NALCN: variants seen among roughly 807,000 people sequenced by gnomAD.
NALCN encodes the protein sodium leak channel NALCN.
Under a neutral mutation model 225.3 loss-of-function variants are expected in NALCN, and 111 were observed. The observed-to-expected ratio is 0.49, with a 90% CI of 0.42 to 0.58. The LOEUF (loss-of-function observed/expected upper bound fraction) is 0.58, where lower values mean the gene tolerates loss of function less well. Among genes scored for constraint, NALCN ranks in the 20% least tolerant of loss-of-function variants. NALCN has a pLI of 0.00. For missense variants in NALCN, 1,378 were observed against 2,202.4 expected (o/e 0.63, Z 7.49); for synonymous variants, 764 against 769.0 (o/e 0.99, Z 0.11).
intron 13 of NALCN, among the ~76,000 whole-genome samples, chr13:101,207,770 AAGC>A (rs1322544260): frequency 5.3e-5 from 8 of 152,176 alleles, no homozygotes; most frequent in Non-Finnish European, 8.8e-5. Context: ...AAGGGAATAA[AAGC>A]AGACCACCCA....
chr13:101,074,039 A>C (rs951953759), intron 36 of NALCN, among the ~76,000 whole-genome samples: 3 of 152,032 alleles, frequency 2.0e-5, no homozygotes, highest in African/African-American at 7.2e-5. Context: ...TTGTATCAGG[A>C]CTTGAAAAAA....
At chr13:101,121,912 GT>G (rs1419869499) in intron 18 of NALCN, among the ~76,000 whole-genome samples, 1 of 151,446 alleles carries the variant, frequency 6.6e-6, no homozygotes, top group Non-Finnish European at 1.5e-5. Flanking sequence ...TTTGTGGAAG[GT>G]TATTCGAATC....
At chr13:101,355,097 G>A (rs879849049) in intron 6 of NALCN, among the ~76,000 whole-genome samples, 2 of 152,068 alleles carry the variant, frequency 1.3e-5, no homozygotes, top group African/African-American at 2.4e-5. Flanking sequence ...TTCTTGTCAC[G>A]TGATGTGCCT....
At chr13:101,201,797 A>G (rs1248335516) in intron 13 of NALCN, among the ~76,000 whole-genome samples, 1 of 152,198 alleles carries the variant, frequency 6.6e-6, no homozygotes, top group Non-Finnish European at 1.5e-5. Context: ...CATAACTTGT[A>G]TCAACTTTTT....
intron 20 of NALCN, among the ~76,000 whole-genome samples, chr13:101,109,460 A>C (rs2035313725): frequency 6.6e-6 from 1 of 152,216 alleles, no homozygotes; most frequent in Admixed American, 6.5e-5. Flanking sequence ...ACAGAATGAA[A>C]GCAGATGTAG....
chr13:101,284,413 G>T (rs1261651636), intron 9 of NALCN, among the ~76,000 whole-genome samples: 2 of 152,112 alleles, frequency 1.3e-5, no homozygotes, highest in Non-Finnish European at 2.9e-5. Context: ...TTTACTATAG[G>T]TTGCAAATTT....
chr13:101,398,722 C>G (rs1386220352), intron 2 of NALCN, among the ~76,000 whole-genome samples: 1 of 152,104 alleles, frequency 6.6e-6, no homozygotes, highest in Admixed American at 6.6e-5. Context: ...TCTTGGACCC[C>G]AGCTTTGGAT....
chr13:101,400,965 T>G (rs937591450), intron 1 of NALCN, among the ~76,000 whole-genome samples: 3 of 152,168 alleles, frequency 2.0e-5, no homozygotes, highest in Non-Finnish European at 4.4e-5. Context: ...GTGAAGAAGG[T>G]GTCTTCGACC....
At chr13:101,222,679 C>A (rs2040988655) in intron 13 of NALCN, among the ~76,000 whole-genome samples, 1 of 152,112 alleles carries the variant, frequency 6.6e-6, no homozygotes, top group African/African-American at 2.4e-5. Flanking sequence ...AATTAGTTGC[C>A]CTAATAAGAG....
chr13:101,213,837 T>C (rs145899151), intron 13 of NALCN, among the ~76,000 whole-genome samples: 1 of 152,202 alleles, frequency 6.6e-6, no homozygotes, highest in East Asian at 1.9e-4. Context: ...ACTTTTACAC[T>C]GTTGGTGGGA....
In NALCN at chr13:101,376,988, C is replaced by G; in HGVS notation, c.444G>C (p.Leu148=). The change falls in exon 5 of 44, where the codon CTG becomes CTC. Residue 148 remains leucine, a synonymous_variant. Transcript: ENST00000251127. The stretch of plus-strand genomic sequence containing the variant: ...AAATCCGGAATGCTCGGATCATAAT[C>G]AGTGGCCGTGGAATCCGCAACATGC... The part of the protein sequence containing the change: ...PWGMLRIPRP[L]IMIRAFRIYF... 1.2e-6 allele frequency: 2 copies of G among 1,614,166 alleles called. No homozygotes were observed. The highest frequency in any genetic ancestry group is 1.7e-6 in the Non-Finnish European group (2 of 1,180,032).
intron 13 of NALCN, among the ~76,000 whole-genome samples, chr13:101,204,604 A>G (rs916187509): frequency 6.6e-6 from 1 of 152,164 alleles, no homozygotes; most frequent in Non-Finnish European, 1.5e-5. Flanking sequence ...AGTGGAGTCT[A>G]CACTTAAATA....
intron 15 of NALCN, among the ~76,000 whole-genome samples, chr13:101,149,416 T>TA: frequency 6.6e-6 from 1 of 152,334 alleles, no homozygotes; most frequent in East Asian, 1.9e-4. Context: ...TTACACATTT[T>TA]AAAAATGGGT....
chr13:101,197,256 G>A (rs1301524536), intron 13 of NALCN, among the ~76,000 whole-genome samples: 1 of 152,086 alleles, frequency 6.6e-6, no homozygotes, highest in East Asian at 1.9e-4. Context: ...CTTAAGGGAT[G>A]AGCCTAGAAT....
chr13:101,127,843 T>C (rs145663216), intron 17 of NALCN, among the ~76,000 whole-genome samples: 1 of 152,232 alleles, frequency 6.6e-6, no homozygotes, highest in Admixed American at 6.5e-5. Context: ...TCCCTTCTTT[T>C]TTCTTACTTC....
chr13:101,376,536 T>TAAAATAAAAA (rs2046695910), intron 6 of NALCN, among the ~76,000 whole-genome samples, 164 bp downstream of exon 6: 1 of 150,994 alleles, frequency 6.6e-6, no homozygotes, highest in South Asian at 2.1e-4. Context: ...TAAAATAAAA[T>TAAAATAAAAA]AAAATAAAAA....
At chr13:101,162,121 C>A (rs7337948) in intron 15 of NALCN, among the ~76,000 whole-genome samples, 21,223 of 152,146 alleles carry the variant, frequency 0.14, 1,894 homozygotes, top group East Asian at 0.46. Flanking sequence ...CTTTCTTCAT[C>A]CTCACCCCTG....
chr13:101,160,102 A>C (rs34454704), intron 15 of NALCN, among the ~76,000 whole-genome samples: 74,199 of 151,288 alleles, frequency 0.49, 19,327 homozygotes, highest in East Asian at 0.94. Flanking sequence ...CTACAGGTAC[A>C]CACCACCATG....
At chr13:101,175,306 A>C (rs2038914995) in intron 15 of NALCN, among the ~76,000 whole-genome samples, 1 of 151,556 alleles carries the variant, frequency 6.6e-6, no homozygotes, top group Non-Finnish European at 1.5e-5. Flanking sequence ...CATAGGCTTT[A>C]AAGGTAAGAG....
Sources: gnomAD v4.1 joint callset for allele counts (sites outside exome capture counted in the v4.1 genomes callset) on GRCh38, gnomAD v4.1.1 for gene constraint, MANE v1.5 for transcripts, NCBI Gene and HGNC (gene_info 2026-07-23, HGNC 2026-07-21) for gene names.